Variants in EDDM13 observed in about 807,000 individuals in gnomAD.
EDDM13 encodes the protein epididymal protein 13.
In EDDM13, 24 loss-of-function variants were observed where a neutral mutation model predicts 17.8. The ratio of observed to expected loss-of-function variants is 1.35; its 90% confidence interval spans 0.98 to 1.90. The LOEUF is 1.90. EDDM13 is among the 40% of genes most tolerant of loss of function. The probability of loss-of-function intolerance (pLI) is 0.00; values close to 1 mark genes in which losing one functional copy is unlikely to be tolerated. For synonymous variants in EDDM13, 31 were observed against 37.5 expected (o/e 0.83, Z 0.63); for missense variants, 97 against 100.8 (o/e 0.96, Z 0.16).
At chr19:56,304,420 G>A (rs184656095) in intron 13 of EDDM13, among the ~76,000 whole-genome samples, 2 of 152,326 alleles carry the variant, frequency 1.3e-5, no homozygotes, top group Admixed American at 6.5e-5. Flanking sequence ...GAGGGAGCTC[G>A]ACTGGCATCC....
intron 6 of EDDM13, among the ~76,000 whole-genome samples, chr19:56,285,312 T>A (rs1033165372): frequency 1.3e-5 from 2 of 152,220 alleles, no homozygotes; most frequent in African/African-American, 4.8e-5. Context: ...GTCAAAATCA[T>A]TCTCTTCACC....
At chr19:56,299,350 C>G (rs1201283772) in intron 12 of EDDM13, among the ~76,000 whole-genome samples, 2 of 151,870 alleles carry the variant, frequency 1.3e-5, no homozygotes, top group Admixed American at 6.6e-5. Context: ...CCAGGCTGGT[C>G]TCAAATTCCT....
chr19:56,290,124 T>C (rs978736947), intron 8 of EDDM13, among the ~76,000 whole-genome samples: 5 of 152,378 alleles, frequency 3.3e-5, no homozygotes, highest in Non-Finnish European at 7.3e-5. Context: ...TTGTTCTACC[T>C]GGACCTTCTG....
chr19:56,295,753 C>T (rs1159013351), intron 9 of EDDM13: 1 of 152,556 alleles, frequency 6.6e-6, no homozygotes, highest in Non-Finnish European at 1.5e-5. Flanking sequence ...GCGCTGTTCA[C>T]TGTGGCATGT....
At chr19:56,291,827 C>G (rs2039527646) in intron 9 of EDDM13, among the ~76,000 whole-genome samples, 1 of 152,120 alleles carries the variant, frequency 6.6e-6, no homozygotes, top group African/African-American at 2.4e-5. Flanking sequence ...AAACCAATCC[C>G]TCCTCGAATC....
At chr19:56,294,433 G>A (rs997469598) in intron 9 of EDDM13, among the ~76,000 whole-genome samples, 1 of 152,198 alleles carries the variant, frequency 6.6e-6, no homozygotes, top group Non-Finnish European at 1.5e-5. Context: ...GATTAATGGA[G>A]ATAATATTTT....
At chr19:56,302,910 G>A in intron 13 of EDDM13, 1 of 398,606 alleles carries the variant, frequency 2.5e-6, no homozygotes, top group Non-Finnish European at 4.4e-6. Context: ...CCTTCAAGAA[G>A]GTCCTAATTC....
chr19:56,306,060 A>G (rs2040665686), intron 14 of EDDM13, among the ~76,000 whole-genome samples: 1 of 152,156 alleles, frequency 6.6e-6, no homozygotes, highest in African/African-American at 2.4e-5. Context: ...GATTAGAGCA[A>G]GCATTTTAGA....
chr19:56,301,929 A>T, intron 12 of EDDM13, 39 bp from the exon 13 acceptor site: 1 of 1,231,992 alleles, frequency 8.1e-7, no homozygotes, highest in East Asian at 3.2e-5. Context: ...GCAGGAAGGG[A>T]AGGCCATCAG....
At chr19:56,307,891 C>A (rs1462628606) in intron 14 of EDDM13, among the ~76,000 whole-genome samples, 1 of 152,204 alleles carries the variant, frequency 6.6e-6, no homozygotes, top group Non-Finnish European at 1.5e-5. Context: ...TTTCAGGGAA[C>A]CTGGCAGGAA....
chr19:56,302,147 G>C, intron 13 of EDDM13, 52 bp downstream of exon 13: 1 of 1,209,642 alleles, frequency 8.3e-7, no homozygotes, highest in African/African-American at 1.6e-5. Context: ...GAAGGAAAGA[G>C]GAGGGAAGTG....
chr19:56,303,072 T>C (rs2040451669), intron 13 of EDDM13: 1 of 393,118 alleles, frequency 2.5e-6, no homozygotes. Flanking sequence ...ACACCTCTGC[T>C]GTGGGTTAAG....
chr19:56,277,482 G>A (rs1357698814), intron 2 of EDDM13, among the ~76,000 whole-genome samples: 1 of 151,882 alleles, frequency 6.6e-6, no homozygotes, highest in East Asian at 1.9e-4. Flanking sequence ...GAAATATTCA[G>A]GATAGGCAAA....
chr19:56,277,658 G>A (rs1331738036), intron 2 of EDDM13, among the ~76,000 whole-genome samples: 1 of 151,968 alleles, frequency 6.6e-6, no homozygotes. Context: ...CACTGAAATG[G>A]GTGAATTGCA....
At chr19:56,302,534 T>C (rs1466036581) in intron 13 of EDDM13, among the ~76,000 whole-genome samples, 2 of 19,436 alleles carry the variant, frequency 1.0e-4, no homozygotes, top group African/African-American at 2.1e-4. Flanking sequence ...CCCTCCCTCT[T>C]CTTCCTCCCC....
chr19:56,309,070 G>A (rs2040873527), intron 14 of EDDM13, among the ~76,000 whole-genome samples: 1 of 152,192 alleles, frequency 6.6e-6, no homozygotes, highest in Admixed American at 6.5e-5. Flanking sequence ...CTGATGAAAG[G>A]ATAAACAAAA....
chr19:56,287,639 C>A (rs1489103915), intron 6 of EDDM13, among the ~76,000 whole-genome samples: 1 of 152,150 alleles, frequency 6.6e-6, no homozygotes, highest in African/African-American at 2.4e-5. Flanking sequence ...TCGAATGTAG[C>A]CACTGTCAGG....
chr19:56,276,807 G>A (rs1035725183), intron 2 of EDDM13, among the ~76,000 whole-genome samples: 1 of 151,980 alleles, frequency 6.6e-6, no homozygotes, highest in Non-Finnish European at 1.5e-5. Context: ...AAAGTGCTGG[G>A]ATTACAGGTG....
rs566632593 is a variant in EDDM13 at position 56,302,613 on chromosome 19, C to G, written c.423+518C>G. On this transcript the variant is annotated intron_variant, in intron 13 of 14. Coordinates refer to ENST00000649256, the MANE Select transcript of EDDM13 (RefSeq NM_001354658.2). ...CTTCCTCTCCCTCTTCTTCCTCTCC[C>G]TCTTCCTCCCTCCCTCCTCCTCCCT... 8.3e-4 allele frequency among the ~76,000 whole-genome samples: 94 copies of G among 112,606 alleles called. 1 individual carries two copies. The highest frequency in any genetic ancestry group is 1.1e-3 in the Non-Finnish European group (61 of 54,854). 73.9% of individuals were successfully genotyped at this position (112,606 alleles called of 152,430 possible).
Sources: allele counts gnomAD v4.1 joint callset (sites outside exome capture counted in the v4.1 genomes callset), GRCh38; gene constraint gnomAD v4.1.1; transcripts MANE v1.5; gene names NCBI Gene and HGNC (gene_info 2026-07-23, HGNC 2026-07-21).